Variants in RNLS observed in about 807,000 individuals in gnomAD.
RNLS encodes the protein renalase, FAD dependent amine oxidase.
A neutral mutation model predicts 39.8 loss-of-function variants in RNLS; 39 were observed. The observed-to-expected ratio is 0.98, with a 90% CI of 0.76 to 1.28. RNLS has a LOEUF of 1.28. Among genes scored for constraint, RNLS ranks in the 50% most tolerant of loss-of-function variants. RNLS has a pLI of 0.00. For synonymous variants in RNLS, 147 were observed against 150.7 expected, an observed-to-expected ratio of 0.98 and a Z score of 0.18; for missense variants, 410 against 413.3, an observed-to-expected ratio of 0.99 and a Z score of 0.07.
chr10:88,286,714 A>G (rs1843299607), intron 6 of RNLS, among the ~76,000 whole-genome samples: 1 of 152,112 alleles, frequency 6.6e-6, no homozygotes, highest in Admixed American at 6.6e-5. Context: ...AAAAAAATCA[A>G]GAAATGTAAT....
At chr10:88,246,251 A>C in the RNLS span, among the ~76,000 whole-genome samples, 2 of 152,214 alleles carry the variant, frequency 1.3e-5, no homozygotes, top group Non-Finnish European at 2.9e-5. Context: ...AAATATTCTA[A>C]GTGCAACAGC....
chr10:88,505,383 G>A (rs1175330753), intron 4 of RNLS, among the ~76,000 whole-genome samples: 1 of 136,906 alleles, frequency 7.3e-6, no homozygotes, highest in Non-Finnish European at 1.6e-5. Flanking sequence ...AGAAAGAGAA[G>A]TAGCAGAGAC....
the RNLS span, among the ~76,000 whole-genome samples, chr10:88,205,622 T>A: frequency 6.6e-6 from 1 of 152,206 alleles, no homozygotes; most frequent in South Asian, 2.1e-4. Context: ...ACTAGACTGC[T>A]GGTACAAAAT....
intron 4 of RNLS, among the ~76,000 whole-genome samples, chr10:88,448,973 G>C (rs572416785): frequency 6.6e-6 from 1 of 152,258 alleles, no homozygotes; most frequent in East Asian, 1.9e-4. Context: ...CACAGGAAGG[G>C]GAACATCACA....
chr10:88,263,900 G>A, the RNLS span, among the ~76,000 whole-genome samples: 1 of 152,072 alleles, frequency 6.6e-6, no homozygotes, highest in South Asian at 2.1e-4. Context: ...GGTGATTTCT[G>A]AGATTTTGGT....
intron 6 of RNLS, 75 bp downstream of exon 6, chr10:88,314,391 G>A: frequency 1.4e-6 from 2 of 1,465,896 alleles, no homozygotes; most frequent in East Asian, 4.5e-5. Context: ...GAGTGCAAAG[G>A]ATAAAGAAGT....
Position 88,344,563 on chromosome 10 carries a change from C to T in RNLS, c.700+17989G>A, listed in dbSNP as rs75015615. ...ACTATAATCTTTATGATATTGTTAG[C>T]CACTCCCGAGAAACTACTATTATGA... On this transcript the variant is annotated intron_variant, in intron 5 of 6. Coordinates refer to ENST00000331772, the MANE Select transcript of RNLS (RefSeq NM_001031709.3). 7.5e-3 allele frequency among the ~76,000 whole-genome samples: 1,146 copies of T among 152,010 alleles called. 13 individuals are homozygous for T. Among genetic ancestry groups the T allele is most frequent in the African/African-American group, 0.026 (1,082 of 41,484 alleles).
chr10:88,211,337 T>C, the RNLS span, among the ~76,000 whole-genome samples: 1 of 152,174 alleles, frequency 6.6e-6, no homozygotes, highest in Non-Finnish European at 1.5e-5. Flanking sequence ...GTGCCAGACA[T>C]TACATTTTGT....
chr10:88,350,879 C>A (rs1048904795), intron 5 of RNLS, among the ~76,000 whole-genome samples: 1 of 152,162 alleles, frequency 6.6e-6, no homozygotes, highest in Non-Finnish European at 1.5e-5. Flanking sequence ...TTCTCCACAT[C>A]CTCTCCAGCA....
At chr10:88,416,908 G>A (rs981444804) in intron 4 of RNLS, among the ~76,000 whole-genome samples, 2 of 152,136 alleles carry the variant, frequency 1.3e-5, no homozygotes, top group Non-Finnish European at 2.9e-5. Flanking sequence ...TTAACATCTG[G>A]AGCTTAATTA....
intron 3 of RNLS, among the ~76,000 whole-genome samples, chr10:88,576,024 A>C (rs796431203): frequency 3.3e-5 from 5 of 152,256 alleles, no homozygotes; most frequent in African/African-American, 1.2e-4. Context: ...TCTCAGCCTA[A>C]TTCCCTCTTG....
intron 4 of RNLS, among the ~76,000 whole-genome samples, chr10:88,551,770 T>G (rs1016208429): frequency 6.6e-6 from 1 of 152,162 alleles, no homozygotes; most frequent in Non-Finnish European, 1.5e-5. Flanking sequence ...AAGGTCACTT[T>G]TATCTCTCCC....
the RNLS span, among the ~76,000 whole-genome samples, chr10:88,171,541 T>A: frequency 6.6e-6 from 1 of 152,238 alleles, no homozygotes; most frequent in East Asian, 1.9e-4. Flanking sequence ...TCCAGATCGT[T>A]GTTCTTTATT....
the RNLS span, among the ~76,000 whole-genome samples, chr10:88,252,354 T>A: frequency 6.6e-6 from 1 of 152,212 alleles, no homozygotes; most frequent in African/African-American, 2.4e-5. Context: ...TATAACAAGT[T>A]GTGGAAGAGG....
At chr10:88,213,687 G>T in the RNLS span, among the ~76,000 whole-genome samples, 55 of 152,150 alleles carry the variant, frequency 3.6e-4, no homozygotes, top group African/African-American at 1.2e-3. Context: ...ATATTTAGAT[G>T]TTTCTTTTGT....
chr10:88,363,868 A>C (rs1033342342), intron 4 of RNLS, among the ~76,000 whole-genome samples: 11 of 152,164 alleles, frequency 7.2e-5, no homozygotes, highest in African/African-American at 2.2e-4. Context: ...TACAGAATGC[A>C]TTAGTCTGTT....
At chr10:88,550,979 C>A (rs902251535) in intron 4 of RNLS, among the ~76,000 whole-genome samples, 2 of 152,308 alleles carry the variant, frequency 1.3e-5, no homozygotes, top group African/African-American at 4.8e-5. Context: ...TATTCTGATT[C>A]AATTTTATAG....
chr10:88,322,461 C>T (rs1203239985), intron 5 of RNLS, among the ~76,000 whole-genome samples: 1 of 152,114 alleles, frequency 6.6e-6, no homozygotes, highest in Non-Finnish European at 1.5e-5. Context: ...GCAGTTTTCC[C>T]CATGCTGTTC....
the RNLS span, among the ~76,000 whole-genome samples, chr10:88,231,987 G>A: frequency 3.3e-5 from 4 of 119,930 alleles, no homozygotes; most frequent in African/African-American, 6.2e-5. Flanking sequence ...TCAGATGGCT[G>A]AGTTCCTTCT....
Sources: gnomAD v4.1 joint callset for allele counts (sites outside exome capture counted in the v4.1 genomes callset) on GRCh38, gnomAD v4.1.1 for gene constraint, MANE v1.5 for transcripts, NCBI Gene and HGNC (gene_info 2026-07-23, HGNC 2026-07-21) for gene names.